The following SEC14L1 variants were observed in gnomAD, a reference collection of about 807,000 sequenced individuals.
SEC14L1 encodes the protein SEC14 like lipid binding 1, also known as SEC14-like protein 1.
SEC14L1 carries 48 observed loss-of-function variants against 85.3 expected under a neutral mutation model. The ratio of observed to expected loss-of-function variants is 0.56; its 90% CI spans 0.45 to 0.72. SEC14L1 has a LOEUF of 0.72. Ranked by LOEUF, SEC14L1 falls within the 30% of genes least tolerant of loss-of-function variation. The pLI is 0.00. For missense variants in SEC14L1, 682 were observed against 921.4 expected, an observed-to-expected ratio of 0.74 and a Z score of 3.36; for synonymous variants, 391 against 355.5, an observed-to-expected ratio of 1.10 and a Z score of -1.12.
intron 1 of SEC14L1, 35 bp from the exon 2 acceptor site, chr17:77,142,611 C>T (rs1433387896): frequency 6.8e-6 from 1 of 147,108 alleles, no homozygotes; most frequent in Non-Finnish European, 1.5e-5. Flanking sequence ...TAAAATACAT[C>T]TTGGTAATTT....
upstream of SEC14L1, among the ~76,000 whole-genome samples, chr17:77,138,451 C>T (rs1972856342): frequency 6.6e-6 from 1 of 151,856 alleles, no homozygotes; most frequent in South Asian, 2.1e-4. Flanking sequence ...GAAAGCCCGT[C>T]TCTACTAAAA....
Position 77,215,399 on chromosome 17 carries a change from G to T in SEC14L1, c.*1376G>T. 2 of 985,430 alleles carry T rather than the reference G, an allele frequency of 2.0e-6. No individual in the cohort carries two copies. Among genetic ancestry groups the T allele is most frequent in the Non-Finnish European group, 2.4e-6 (2 of 829,950 alleles). The allele number at this position is 985,430 out of a possible 1,614,324, so 61.0% of individuals were successfully genotyped here. A position where few individuals can be genotyped will look rare whatever the true frequency, so the allele number is the denominator to read the frequency against. On this transcript the variant is annotated 3_prime_UTR_variant, in exon 17 of 17. Transcript: ENST00000436233. ...CCGTGTTTTTCATGCCAAACCCCAC[G>T]CGGCTGTCAACTGTGTGCGTGGTAG...
At position 77,200,509 on chromosome 17, in the gene SEC14L1, G is replaced by C; in HGVS notation, c.845G>C (p.Arg282Pro). 2 of 1,613,204 alleles carry C rather than the reference G, an allele frequency of 1.2e-6. No individual in the cohort carries two copies. The highest frequency in any genetic ancestry group is 1.7e-6 in the Non-Finnish European group (2 of 1,179,652). Residue 282 changes from arginine (R) to proline (P), a missense_variant, in exon 9 of 17, where the codon CGG becomes CCG. Physicochemically the swap from Arg to Pro is moderately radical, Grantham distance 103. Around this residue, in one of 3 missense-constraint regions of SEC14L1, gnomAD observed 420 missense variants for 619.5 expected, o/e 0.68. Transcript: ENST00000436233. The stretch of plus-strand genomic sequence containing the variant: ...ATTCCAAAAGATGAGCATATTCTTC[G>C]GTTCCTCCGTGCACGGGATTTTAAT... ...GKIPKDEHIL[R>P]FLRARDFNID...
At chr17:77,146,071 C>T (rs1380924943) in intron 3 of SEC14L1, among the ~76,000 whole-genome samples, 3 of 152,298 alleles carry the variant, frequency 2.0e-5, no homozygotes, top group East Asian at 3.9e-4. Flanking sequence ...TCATTCCCCA[C>T]CCCGACCCCT....
intron 3 of SEC14L1, among the ~76,000 whole-genome samples, chr17:77,156,298 G>A (rs7211152): frequency 0.052 from 7,883 of 152,198 alleles, 315 homozygotes; most frequent in Admixed American, 0.12. Flanking sequence ...TTCTCGGCCA[G>A]GCACGGTGGC....
At chr17:77,104,023 T>C (rs1971845035) in intron 3 of SEC14L1, among the ~76,000 whole-genome samples, 1 of 151,488 alleles carries the variant, frequency 6.6e-6, no homozygotes, top group South Asian at 2.1e-4. Flanking sequence ...AGGGAGGCCC[T>C]CCCTCTCTTC....
intron 3 of SEC14L1, among the ~76,000 whole-genome samples, chr17:77,128,385 T>C (rs1972510733): frequency 8.2e-6 from 1 of 121,414 alleles, no homozygotes. Flanking sequence ...CATTCACACT[T>C]GAGCATTTTA....
chr17:77,197,001 G>A (rs960390740), intron 8 of SEC14L1, among the ~76,000 whole-genome samples: 8 of 152,142 alleles, frequency 5.3e-5, no homozygotes, highest in African/African-American at 9.7e-5. Context: ...GGTTTTACAC[G>A]TGAGGAAACT....
At chr17:77,193,178 C>T (rs1975627265) in intron 5 of SEC14L1, among the ~76,000 whole-genome samples, 1 of 152,212 alleles carries the variant, frequency 6.6e-6, no homozygotes, top group Admixed American at 6.5e-5. Flanking sequence ...AAATGAAGCT[C>T]TCCTTTTATA....
chr17:77,205,320 T>C lies in SEC14L1; in HGVS notation c.1143T>C (p.Asn381=). ...NEEGLRRCEE[N]TKVFGRPISS... ...AAGGGCTAAGGCGATGCGAAGAGAA[T>C]ACAAAAGTCTTTGGTCGGCCTATCA... Residue 381 remains asparagine (N), a synonymous_variant, in exon 11 of 17, where the codon AAT becomes AAC. Transcript: ENST00000436233. 6.2e-7 allele frequency: 1 copy of C among 1,614,196 alleles called. No homozygotes were observed. The highest frequency in any genetic ancestry group is 8.5e-7 in the Non-Finnish European group (1 of 1,180,020).
At chr17:77,169,057 T>C (rs1974418714) in intron 3 of SEC14L1, among the ~76,000 whole-genome samples, 1 of 140,262 alleles carries the variant, frequency 7.1e-6, no homozygotes, top group Non-Finnish European at 1.5e-5. Flanking sequence ...TGTCCTGTTA[T>C]GTTGACGGAA....
At chr17:77,148,817 T>C (rs562074513) in intron 3 of SEC14L1, among the ~76,000 whole-genome samples, 1 of 152,372 alleles carries the variant, frequency 6.6e-6, no homozygotes, top group East Asian at 1.9e-4. Context: ...TTGAAGGCTT[T>C]CCTGTTATCC....
intron 14 of SEC14L1, chr17:77,209,740 C>A: frequency 2.9e-6 from 1 of 339,896 alleles, no homozygotes. Context: ...TTACTAAAGC[C>A]ACCAAACACA....
At chr17:77,134,396 C>T (rs931909532) in intron 3 of SEC14L1, among the ~76,000 whole-genome samples, 1 of 151,942 alleles carries the variant, frequency 6.6e-6, no homozygotes, top group Admixed American at 6.6e-5. Flanking sequence ...ACTATAGATG[C>T]GAGCCACCAT....
intron 3 of SEC14L1, among the ~76,000 whole-genome samples, chr17:77,162,162 CG>C (rs1974093907): frequency 6.6e-6 from 1 of 151,782 alleles, no homozygotes; most frequent in South Asian, 2.1e-4. Flanking sequence ...TGGCGCTCGG[CG>C]GGGGAGGGAC....
chr17:77,106,330 G>T (rs1040929290), intron 3 of SEC14L1, among the ~76,000 whole-genome samples: 2 of 152,126 alleles, frequency 1.3e-5, no homozygotes, highest in Non-Finnish European at 2.9e-5. Context: ...TCAGGAGTTT[G>T]AGACCAGCCT....
intron 3 of SEC14L1, among the ~76,000 whole-genome samples, chr17:77,122,160 G>A (rs529846308): frequency 2.6e-4 from 39 of 152,294 alleles, no homozygotes; most frequent in African/African-American, 9.1e-4. Context: ...CACACAGTAG[G>A]TGGATTGCTT....
intron 3 of SEC14L1, among the ~76,000 whole-genome samples, chr17:77,162,437 A>G (rs9907519): frequency 0.35 from 52,719 of 152,020 alleles, 9,314 homozygotes; most frequent in Middle Eastern, 0.39. Flanking sequence ...GAAAATAGGA[A>G]TGACAGTGTC....
In SEC14L1 at chr17:77,215,661, C is replaced by T; in HGVS notation, c.*1638C>T. 7 of 991,912 alleles carry T rather than the reference C, an allele frequency of 7.1e-6. No individual in the cohort carries two copies. The South Asian group carries it at 2.2e-4, about 31-fold the overall frequency. 61.4% of individuals were successfully genotyped at this position (991,912 alleles called of 1,614,324 possible). Reference sequence around the variant, plus strand: ...CCTTTGGACCACATTTGTGTTTGCTCTTAGAGATCGAGCTCCTCAGTGGTA... The same window carrying T: ...CCTTTGGACCACATTTGTGTTTGCTTTTAGAGATCGAGCTCCTCAGTGGTA... On this transcript the variant is annotated 3_prime_UTR_variant, in exon 17 of 17. Coordinates refer to ENST00000436233, the MANE Select transcript of SEC14L1 (RefSeq NM_001143998.2).
Sources: allele counts gnomAD v4.1 joint callset (sites outside exome capture counted in the v4.1 genomes callset), GRCh38; gene constraint gnomAD v4.1.1; regional missense constraint gnomAD v4.1.1; transcripts MANE v1.5; gene names NCBI Gene and HGNC (gene_info 2026-07-23, HGNC 2026-07-21).